The following ABL1 variants were observed in gnomAD, a reference collection of about 807,000 sequenced individuals.
ABL1 encodes ABL proto-oncogene 1, non-receptor tyrosine kinase.
Under a neutral mutation model 94.7 loss-of-function variants are expected in ABL1, and 11 were observed. That is an observed-to-expected ratio of 0.12 (90% confidence interval 0.07 to 0.19). The LOEUF (loss-of-function observed/expected upper bound fraction) is 0.19, where lower values mean the gene tolerates loss of function less well. Among genes scored for constraint, ABL1 ranks in the 10% least tolerant of loss-of-function variants. ABL1 has a pLI of 1.00. For synonymous variants in ABL1, 656 were observed against 622.4 expected, an observed-to-expected ratio of 1.05 and a Z score of -0.80; for missense variants, 1,082 against 1,489.4, an observed-to-expected ratio of 0.73 and a Z score of 4.50.
chr9:130,713,488 C>T (rs1416137704), exon 1 of ABL1, among the ~76,000 whole-genome samples: 2 of 148,992 alleles, frequency 1.3e-5, no homozygotes, highest in Non-Finnish European at 3.0e-5. Flanking sequence ...TCCCTCAGCC[C>T]CAAGCCGCCC....
chr9:130,868,757 T>TTATC (rs1831201862), intron 4 of ABL1, among the ~76,000 whole-genome samples: 1 of 152,066 alleles, frequency 6.6e-6, no homozygotes, highest in Non-Finnish European at 1.5e-5. Flanking sequence ...TGGCCTCAAG[T>TTATC]TATCTGCCTG....
At chr9:130,851,854 C>T (rs1323635569) in intron 1 of ABL1, among the ~76,000 whole-genome samples, 1 of 150,522 alleles carries the variant, frequency 6.6e-6, no homozygotes, top group Admixed American at 6.6e-5. Flanking sequence ...GCAGCCTCAC[C>T]TCCCGGGTTC....
At chr9:130,851,496 G>C (rs1051848520) in intron 1 of ABL1, among the ~76,000 whole-genome samples, 1 of 152,114 alleles carries the variant, frequency 6.6e-6, no homozygotes, top group African/African-American at 2.4e-5. Flanking sequence ...AGATGTTTTA[G>C]AGCACATTCA....
intron 3 of ABL1, among the ~76,000 whole-genome samples, chr9:130,856,084 TTTTG>T (rs1231148307): frequency 3.3e-5 from 5 of 151,990 alleles, no homozygotes; most frequent in Admixed American, 1.3e-4. Context: ...CCCAGCTGTT[TTTTG>T]TTTGTTTATT....
Position 130,887,398 on chromosome 9 carries a change from C to G in ABL1, c.*1715C>G. On this transcript the variant is annotated 3_prime_UTR_variant, in exon 11 of 11. Transcript: ENST00000318560. ...CAAAGCGCCCACCCAGGTCCCCCGACTGCCTGTCTCCATGAGGTACTGGTC... is the reference window on the plus strand; with the variant it reads ...CAAAGCGCCCACCCAGGTCCCCCGAGTGCCTGTCTCCATGAGGTACTGGTC... 1 of 233,472 alleles carries G rather than the reference C, an allele frequency of 4.3e-6. No individual in the cohort carries two copies. The highest frequency in any genetic ancestry group is 8.5e-6 in the Non-Finnish European group (1 of 118,052). The allele number at this position is 233,472 out of a possible 1,614,324, so 14.5% of individuals were successfully genotyped here.
intron 1 of ABL1, among the ~76,000 whole-genome samples, chr9:130,717,478 T>G (rs1831457366): frequency 6.9e-6 from 1 of 145,546 alleles, no homozygotes; most frequent in Non-Finnish European, 1.5e-5. Flanking sequence ...CCGAGGCAGG[T>G]GGATCACCTG....
chr9:130,886,527 TGGAGGCAGGGGACAAG>T lies in ABL1; in HGVS notation c.*853_*868del, dbSNP rs566251372. 1.8e-3 allele frequency: 413 copies of T among 233,434 alleles called. 1 individual carries two copies. The highest frequency in any genetic ancestry group is 6.8e-3 in the African/African-American group (308 of 45,426). 14.5% of individuals were successfully genotyped at this position (233,434 alleles called of 1,614,324 possible). A position where few individuals can be genotyped will look rare whatever the true frequency, so the allele number is the denominator to read the frequency against. The stretch of plus-strand genomic sequence containing the variant: ...TGCCGACATCCCTCCCCCAGCAGAA[TGGAGGCAGGGGACAAG>T]GGAGGCAGTGGCTAGTGGGGTGAAC... On this transcript the variant is annotated 3_prime_UTR_variant, in exon 11 of 11. Transcript: ENST00000318560.
chr9:130,786,708 C>T (rs975369793), intron 1 of ABL1, among the ~76,000 whole-genome samples: 1 of 152,180 alleles, frequency 6.6e-6, no homozygotes, highest in African/African-American at 2.4e-5. Context: ...TTCCCTAGTG[C>T]GGCAAGCAGC....
At chr9:130,833,676 T>G (rs1830521359), upstream of ABL1, among the ~76,000 whole-genome samples, 1 of 152,194 alleles carries the variant, frequency 6.6e-6, no homozygotes, top group Non-Finnish European at 1.5e-5. Flanking sequence ...TGTTGTATGT[T>G]GATCAGAATT....
In ABL1 at chr9:130,880,689, C is replaced by T; in HGVS notation, c.1678+25C>T. 6.2e-7 allele frequency: 1 copy of T among 1,610,064 alleles called. No individual in the cohort carries two copies. The highest frequency in any genetic ancestry group is 1.1e-5 in the South Asian group (1 of 90,860). ...GGTAAGTCCCCCGCTTCCCCCAACC[C>T]CACTGCTCTTCCCTTCCCTGCCAGA... On this transcript the variant is annotated intron_variant, in intron 10 of 10. Coordinates refer to ENST00000318560, the MANE Select transcript of ABL1 (RefSeq NM_005157.6). The surrounding 1 kb of genome is among the most constrained non-coding windows in gnomAD (Gnocchi z 4.4).
At chr9:130,865,260 C>G (rs1468413264) in intron 4 of ABL1, among the ~76,000 whole-genome samples, 2 of 152,154 alleles carry the variant, frequency 1.3e-5, no homozygotes, top group South Asian at 2.1e-4. Flanking sequence ...GGGCAGTCAC[C>G]CGGAGTGGTA....
At chr9:130,771,135 A>G (rs777353586) in intron 1 of ABL1, among the ~76,000 whole-genome samples, 7 of 152,218 alleles carry the variant, frequency 4.6e-5, no homozygotes, top group Non-Finnish European at 8.8e-5. Flanking sequence ...CATTCACCAC[A>G]TGGTGGTGCT....
At chr9:130,829,926 T>C (rs1208811152) in intron 1 of ABL1, among the ~76,000 whole-genome samples, 1 of 152,140 alleles carries the variant, frequency 6.6e-6, no homozygotes, top group Non-Finnish European at 1.5e-5. Flanking sequence ...TCTAATGAAT[T>C]CAGAAAGAGC....
chr9:130,774,573 T>C (rs960883703), intron 1 of ABL1, among the ~76,000 whole-genome samples: 1 of 152,120 alleles, frequency 6.6e-6, no homozygotes, highest in African/African-American at 2.4e-5. Flanking sequence ...CCTGTGATTC[T>C]AGCACTTTGG....
In ABL1 at chr9:130,855,039, G is replaced by A. The variant is rs1020988088; in HGVS notation, c.492G>A (p.Ser164=). 6 of 1,614,170 alleles carry A rather than the reference G, an allele frequency of 3.7e-6. No individual in the cohort carries two copies. The highest frequency in any genetic ancestry group is 4.5e-5 in the East Asian group (2 of 44,888). ...GCAGTCCTGGCCAGAGGTCCATCTC[G>A]CTGAGATACGAAGGGAGGGTGTACC... is the stretch of plus-strand genomic sequence containing the variant. ...SESSPGQRSI[S]LRYEGRVYHY... Residue 164 remains serine, a synonymous_variant, in exon 3 of 11, where the codon TCG becomes TCA. Transcript: ENST00000318560.
chr9:130,817,465 CTGCCTT>C (rs1032084576), intron 1 of ABL1, among the ~76,000 whole-genome samples: 2 of 152,218 alleles, frequency 1.3e-5, no homozygotes, highest in Non-Finnish European at 2.9e-5. Context: ...TTGTTCTCCT[CTGCCTT>C]TGCCTCTTTT....
At chr9:130,831,596 CAG>C (rs1005011593), upstream of ABL1, among the ~76,000 whole-genome samples, 2 of 152,096 alleles carry the variant, frequency 1.3e-5, no homozygotes, top group African/African-American at 4.8e-5. Flanking sequence ...TCTTCCAAAA[CAG>C]TGGATTTCTT....
At chr9:130,750,639 TCTTTC>T (rs1831951366) in intron 1 of ABL1, among the ~76,000 whole-genome samples, 1 of 116,734 alleles carries the variant, frequency 8.6e-6, no homozygotes, top group African/African-American at 4.0e-5. Flanking sequence ...TTTTTCTTTT[TCTTTC>T]TTTTTTTTTT....
chr9:130,811,224 G>C (rs924632593), intron 1 of ABL1, among the ~76,000 whole-genome samples: 2 of 152,168 alleles, frequency 1.3e-5, no homozygotes, highest in African/African-American at 4.8e-5. Context: ...AGGAGTCCCA[G>C]GCTGCAGTGA....
Sources: gnomAD v4.1 joint callset for allele counts (sites outside exome capture counted in the v4.1 genomes callset) on GRCh38, gnomAD v4.1.1 for gene constraint, Gnocchi (gnomAD v3.1) non-coding constraint, MANE v1.5 for transcripts, NCBI Gene and HGNC (gene_info 2026-07-23, HGNC 2026-07-21) for gene names.